The following IFT122 variants were observed in gnomAD, a reference collection of about 807,000 sequenced individuals.
The protein encoded by IFT122 is intraflagellar transport protein 122 homolog.
A neutral mutation model predicts 161.6 loss-of-function variants in IFT122; 118 were observed. The ratio of observed to expected loss-of-function variants is 0.73; its 90% confidence interval spans 0.63 to 0.85. The LOEUF is 0.85. Among genes scored for constraint, IFT122 ranks in the 40% least tolerant of loss-of-function variants. The probability of loss-of-function intolerance (pLI) is 0.00; values close to 1 mark genes in which losing one functional copy is unlikely to be tolerated. For synonymous variants in IFT122, 550 were observed against 602.4 expected, an observed-to-expected ratio of 0.91 and a Z score of 1.27; for missense variants, 1,381 against 1,579.6, an observed-to-expected ratio of 0.87 and a Z score of 2.13.
rs17849712 is a variant in IFT122 at position 129,488,388 on chromosome 3, A to G, written c.1983A>G (p.Thr661=). The G allele has an allele frequency of 1.1e-5, 18 of 1,614,168 alleles. No individual in the cohort carries two copies. Among genetic ancestry groups the G allele is most frequent in the African/African-American group, 2.7e-5 (2 of 75,026 alleles). Reference sequence around the variant, plus strand: ...CGCTAGAAGGTTTAGATTTTGAAACAGCAAAGAAGGTAAGCATCTAGCCAG... The same window carrying G: ...CGCTAGAAGGTTTAGATTTTGAAACGGCAAAGAAGGTAAGCATCTAGCCAG... ...MEALEGLDFE[T]AKKAFIRVQD... Residue 661 remains threonine (T), a synonymous_variant, in exon 16 of 30, where the codon ACA becomes ACG. Transcript: ENST00000348417.
At chr3:129,444,203 T>C (rs1251175346) in intron 1 of IFT122, among the ~76,000 whole-genome samples, 1 of 152,204 alleles carries the variant, frequency 6.6e-6, no homozygotes, top group Non-Finnish European at 1.5e-5. Context: ...TCCCCCCTAC[T>C]TTTTATTCCG....
intron 24 of IFT122, 197 bp downstream of exon 24, chr3:129,512,609 T>C: frequency 1.6e-6 from 1 of 621,292 alleles, no homozygotes; most frequent in South Asian, 1.9e-5. Flanking sequence ...CAAGAGAAGA[T>C]GAGTTTTCAG....
rs866544383 is a variant in IFT122, at chr3:129,496,674, A to G, written c.2208+1067A>G. ...GGACCTATTGTTCATCAGGACTTGG[A>G]CGAGCTCCTGGGCCCCAGCCTGTCT... On this transcript the variant is annotated intron_variant, in intron 18 of 29. Transcript: ENST00000348417. Among the ~76,000 whole-genome samples the G allele has an allele frequency of 3.3e-5, 5 of 152,194 alleles. No homozygotes were observed. In the South Asian group the frequency reaches 1.0e-3, roughly 32 times the overall value.
chr3:129,519,248 T>G, intron 28 of IFT122, 62 bp downstream of exon 28: 1 of 1,416,368 alleles, frequency 7.1e-7, no homozygotes, highest in Non-Finnish European at 1.0e-6. Context: ...CCTGTGCACA[T>G]GGGGACCCTC....
chr3:129,512,033 C>T (rs1321303384), intron 23 of IFT122, among the ~76,000 whole-genome samples: 1 of 152,178 alleles, frequency 6.6e-6, no homozygotes, highest in African/African-American at 2.4e-5. Flanking sequence ...TGAACAGCAG[C>T]TCAGCTCTGT....
chr3:129,462,996 C>T (rs776943039), intron 5 of IFT122: 2 of 154,038 alleles, frequency 1.3e-5, no homozygotes, highest in Non-Finnish European at 2.9e-5. Flanking sequence ...ATGAAACTGT[C>T]ATTTCTTTGA....
At chr3:129,506,901 A>G (rs2082247311) in intron 22 of IFT122, among the ~76,000 whole-genome samples, 1 of 152,228 alleles carries the variant, frequency 6.6e-6, no homozygotes, top group Admixed American at 6.5e-5. Context: ...GCTTTACAGT[A>G]ACACACTCCA....
At chr3:129,488,509 T>G in intron 16 of IFT122, 112 bp downstream of exon 16, 1 of 1,407,982 alleles carries the variant, frequency 7.1e-7, no homozygotes, top group Non-Finnish European at 9.9e-7. Context: ...GTCTCTGGAG[T>G]TAGGCTGACC....
chr3:129,465,637 A>ATT lies in IFT122; in HGVS notation c.563+871_563+872dup, dbSNP rs774334400. On this transcript the variant is annotated intron_variant, in intron 7 of 29. Transcript: ENST00000348417. Reference sequence around the variant, plus strand: ...AGGTGCCTGCCACCACGCCTGGCTAATTTTTTTTTTTTTTTTGAGACGGAG... The same window carrying ATT: ...AGGTGCCTGCCACCACGCCTGGCTAATTTTTTTTTTTTTTTTTTGAGACGGAG... Among the ~76,000 whole-genome samples, 29 of 109,398 alleles carry ATT rather than the reference A, an allele frequency of 2.7e-4. 1 individual carries two copies. The highest frequency in any genetic ancestry group is 4.2e-3 in the Middle Eastern group (1 of 236). The allele number at this position is 109,398 out of a possible 152,430, so 71.8% of individuals were successfully genotyped here.
At chr3:129,463,428 TTA>T (rs2076385993) in intron 5 of IFT122, 130 bp from the exon 6 acceptor site, 1 of 737,058 alleles carries the variant, frequency 1.4e-6, no homozygotes, top group Non-Finnish European at 2.4e-6. Flanking sequence ...CCTTTTGAGA[TTA>T]TGTTTTTTCA....
chr3:129,456,146 C>T, intron 3 of IFT122: 1 of 752,734 alleles, frequency 1.3e-6, no homozygotes, highest in Non-Finnish European at 2.0e-6. Context: ...TTGTTTGGGT[C>T]ATGCAGCTGG....
Position 129,519,585 on chromosome 3 carries a change from C to G in IFT122, c.3489C>G (p.Phe1163Leu), listed in dbSNP as rs768487219. ...KLSFEQGGSE[F>L]VPVVVSRLVL... Reference sequence around the variant, plus strand: ...CCCTGCAGCAAGGTGGCTCAGAGTTCGTGCCAGTGGTGGTGAGCCGGCTGG... The same window carrying G: ...CCCTGCAGCAAGGTGGCTCAGAGTTGGTGCCAGTGGTGGTGAGCCGGCTGG... The change falls in exon 29 of 30, where the codon TTC becomes TTG. Residue 1163 changes from phenylalanine to leucine, a missense_variant. Phe to Leu is a conservative substitution (Grantham distance 22, BLOSUM62 0). Around this residue, in one of 7 missense-constraint regions of IFT122, gnomAD observed 177 missense variants for 199.2 expected, o/e 0.89. Coordinates refer to ENST00000348417, the MANE Select transcript of IFT122 (RefSeq NM_052989.3). 5.0e-6 allele frequency: 8 copies of G among 1,613,444 alleles called. No individual in the cohort carries two copies. The highest frequency in any genetic ancestry group is 5.9e-6 in the Non-Finnish European group (7 of 1,180,028).
intron 21 of IFT122, among the ~76,000 whole-genome samples, chr3:129,505,694 T>A (rs1177007601): frequency 6.6e-6 from 1 of 152,164 alleles, no homozygotes; most frequent in Non-Finnish European, 1.5e-5. Flanking sequence ...GCCACCAACA[T>A]CTCAAGGGGC....
chr3:129,518,679 G>A lies in IFT122; in HGVS notation c.3392-428G>A, dbSNP rs181014683. ...GGCCTCTGTTACCAGCCCCACCACT[G>A]TGGGAGAGGGGCGGTTTCCAGGGAC... On this transcript the variant is annotated intron_variant, in intron 27 of 29. Transcript: ENST00000348417. 1.8e-3 allele frequency among the ~76,000 whole-genome samples: 280 copies of A among 152,292 alleles called. 5 individuals carry two copies. Among genetic ancestry groups the A allele is most frequent in the Admixed American group, 0.01 (154 of 15,302 alleles).
intron 4 of IFT122, among the ~76,000 whole-genome samples, chr3:129,460,176 G>A (rs1013281552): frequency 2.6e-5 from 4 of 152,018 alleles, no homozygotes; most frequent in Admixed American, 6.6e-5. Flanking sequence ...CTTTTATCCT[G>A]CTAAACTAAA....
intron 3 of IFT122, among the ~76,000 whole-genome samples, chr3:129,454,513 T>TTGTGTG (rs61557048): frequency 0.054 from 7,110 of 131,118 alleles, 256 homozygotes; most frequent in Middle Eastern, 0.11. Flanking sequence ...GTAGTCATAT[T>TTGTGTG]TGTGTGTGTG....
rs116070998 is a variant in IFT122, at chr3:129,512,161, A to G, written c.2887-151A>G. On this transcript the variant is annotated intron_variant, in intron 23 of 29. Coordinates refer to ENST00000348417, the MANE Select transcript of IFT122 (RefSeq NM_052989.3). Reference sequence around the variant, plus strand: ...TTAAAGACCAGATGAGACAGTGGCTATATGGCGCTCAGCACACAGTAGGAG... The same window carrying G: ...TTAAAGACCAGATGAGACAGTGGCTGTATGGCGCTCAGCACACAGTAGGAG... 29 of 734,472 alleles carry G rather than the reference A, an allele frequency of 3.9e-5. No individual in the cohort carries two copies. In the East Asian group the frequency reaches 5.7e-4, roughly 14 times the overall value. The allele number at this position is 734,472 out of a possible 1,614,324, so 45.5% of individuals were successfully genotyped here.
chr3:129,489,923 C>G (rs1577805673), intron 16 of IFT122, among the ~76,000 whole-genome samples: 1 of 151,412 alleles, frequency 6.6e-6, no homozygotes, highest in East Asian at 1.9e-4. Flanking sequence ...CCCAGAAATG[C>G]CAGCAGGGAG....
chr3:129,463,465 A>T (rs913169092), intron 5 of IFT122, 95 bp from the exon 6 acceptor site: 1 of 952,480 alleles, frequency 1.0e-6, no homozygotes, highest in Non-Finnish European at 1.7e-6. Context: ...CTGGAGATCC[A>T]TCTAAGTTGT....
Sources: gnomAD v4.1 joint callset for allele counts (sites outside exome capture counted in the v4.1 genomes callset) on GRCh38, gnomAD v4.1.1 for gene constraint, gnomAD v4.1.1 regional missense constraint, MANE v1.5 for transcripts, NCBI Gene and HGNC (gene_info 2026-07-23, HGNC 2026-07-21) for gene names.